KDR: variants seen among roughly 807,000 people sequenced by gnomAD.
KDR encodes kinase insert domain receptor, also known as vascular endothelial growth factor receptor 2.
KDR carries 43 observed loss-of-function variants against 160.9 expected under a neutral mutation model. The observed-to-expected ratio is 0.27, with a 90% CI of 0.21 to 0.34. KDR has a LOEUF of 0.34. KDR is among the 10% of genes least tolerant of loss of function. The pLI is 1.00. For synonymous variants in KDR, 617 were observed against 600.1 expected (o/e 1.03, Z -0.41); for missense variants, 1,469 against 1,666.4 (o/e 0.88, Z 2.06).
rs576176453 is a variant in KDR, at chr4:55,116,791, A to G, written c.359-1380T>C. ...AGGCCAGGGCTCACTTCCTGGCTCC[A>G]TCCATTGCTGAAGAGAATGGGGTCA... On this transcript the variant is annotated intron_variant, in intron 3 of 29. Coordinates refer to ENST00000263923, the MANE Select transcript of KDR (RefSeq NM_002253.4). Among the ~76,000 whole-genome samples the G allele has an allele frequency of 3.3e-5, 5 of 152,334 alleles. No individual in the cohort carries two copies. The East Asian group carries it at 9.6e-4, about 29-fold the overall frequency.
At position 55,079,968 on chromosome 4, in the gene KDR, C is replaced by A; in HGVS notation, c.4044G>T (p.Gly1348=). ...AAACAGGAGGAGAGCTCAGTGTGGTCCCCGAGTCAGGCTGGAGAATCTGGG... is the reference window on the plus strand; with the variant it reads ...AAACAGGAGGAGAGCTCAGTGTGGTACCCGAGTCAGGCTGGAGAATCTGGG... ...STAQILQPDS[G]TTLSSPPV The change falls in exon 30 of 30, where the codon GGG becomes GGT. Residue 1348 remains glycine, a synonymous_variant. Transcript: ENST00000263923. The A allele has an allele frequency of 6.2e-7, 1 of 1,614,108 alleles. No individual in the cohort carries two copies. Among genetic ancestry groups the A allele is most frequent in the South Asian group, 1.1e-5 (1 of 91,080 alleles).
rs982335320 is a variant in KDR at position 55,118,905 on chromosome 4, C to T, written c.162-105G>A. On this transcript the variant is annotated intron_variant, in intron 2 of 29. Coordinates refer to ENST00000263923, the MANE Select transcript of KDR (RefSeq NM_002253.4). Reference sequence around the variant, plus strand: ...TTTGAAACTTAAATAAACTCTTCAACAGACACAGTCAGTCTTCTACCGGCC... The same window carrying T: ...TTTGAAACTTAAATAAACTCTTCAATAGACACAGTCAGTCTTCTACCGGCC... 52 of 882,020 alleles carry T rather than the reference C, an allele frequency of 5.9e-5. No individual in the cohort carries two copies. In the African/African-American group the frequency reaches 8.2e-4, roughly 14 times the overall value. The allele number at this position is 882,020 out of a possible 1,614,324, so 54.6% of individuals were successfully genotyped here. A position where few individuals can be genotyped will look rare whatever the true frequency, so the allele number is the denominator to read the frequency against.
intron 7 of KDR, among the ~76,000 whole-genome samples, chr4:55,111,314 A>G (rs1720577237): frequency 6.6e-6 from 1 of 152,172 alleles, no homozygotes; most frequent in African/African-American, 2.4e-5. Flanking sequence ...AGATAAACAT[A>G]TCTAACACTG....
Position 55,079,976 on chromosome 4 carries a change from C to G in KDR, c.4036G>C (p.Asp1346His). 6.2e-7 allele frequency: 1 copy of G among 1,614,186 alleles called. No homozygotes were observed. ...GGAGAGCTCAGTGTGGTCCCCGAGT[C>G]AGGCTGGAGAATCTGGGCTGTGCTA... ...TGSTAQILQPDSGTTLSSPPV is the reference protein window; with the variant it reads ...TGSTAQILQPHSGTTLSSPPV The change falls in exon 30 of 30, where the codon GAC becomes CAC. Residue 1346 changes from aspartate to histidine, a missense_variant. Around this residue, in one of 7 missense-constraint regions of KDR, gnomAD observed 229 missense variants for 197.8 expected, o/e 1.16. Transcript: ENST00000263923.
At chr4:55,081,693 C>T (rs182402840) in intron 29 of KDR, among the ~76,000 whole-genome samples, 1 of 152,288 alleles carries the variant, frequency 6.6e-6, no homozygotes, top group East Asian at 1.9e-4. Context: ...TTACTGACCA[C>T]AGTAAATATA....
In KDR at chr4:55,094,783, A is replaced by G. The variant is rs1198266889; in HGVS notation, c.2971+19T>C. ...CTGACAAGAGCATGCCATAGCATGC[A>G]GGAAGCACTAGCCAGTACCTTCCTC... On this transcript the variant is annotated intron_variant, in intron 21 of 29. Coordinates refer to ENST00000263923, the MANE Select transcript of KDR (RefSeq NM_002253.4). 6.2e-7 allele frequency: 1 copy of G among 1,611,324 alleles called. No homozygotes were observed. The highest frequency in any genetic ancestry group is 1.3e-5 in the African/African-American group (1 of 74,874).
chr4:55,110,706 G>A lies in KDR; in HGVS notation c.1039C>T (p.Arg347Cys), dbSNP rs750983015. Residue 347 changes from arginine to cysteine, a missense_variant, in exon 8 of 30, where the codon CGT becomes TGT. Physicochemically the swap from Arg to Cys is radical, Grantham distance 180. Coordinates refer to ENST00000263923, the MANE Select transcript of KDR (RefSeq NM_002253.4). ...ESLVEATVGE[R>C]VRIPAKYLGY... The stretch of plus-strand genomic sequence containing the variant: ...AGGTACTTCGCAGGGATTCTGACAC[G>A]CTCCCCCACCGTGGCTTCCACCAGA... 23 of 1,612,664 alleles carry A rather than the reference G, an allele frequency of 1.4e-5. No homozygotes were observed. The highest frequency in any genetic ancestry group is 4.5e-5 in the East Asian group (2 of 44,834).
chr4:55,108,827 T>C (rs761396739), intron 9 of KDR, among the ~76,000 whole-genome samples: 5 of 152,060 alleles, frequency 3.3e-5, no homozygotes, highest in Non-Finnish European at 7.4e-5. Flanking sequence ...TATTTCCTTA[T>C]TACTGTCAAC....
intron 7 of KDR, among the ~76,000 whole-genome samples, chr4:55,112,523 ATTT>A (rs72203928): frequency 0.37 from 43,074 of 116,046 alleles, 6,639 homozygotes; most frequent in Admixed American, 0.44. Flanking sequence ...TTATACCTTG[ATTT>A]TTTTTTTTTT....
Position 55,104,871 on chromosome 4 carries a change from C to T in KDR, c.1759G>A (p.Gly587Ser). 6.2e-7 allele frequency: 1 copy of T among 1,613,988 alleles called. No individual in the cohort carries two copies. Among genetic ancestry groups the T allele is most frequent in the South Asian group, 1.1e-5 (1 of 91,084 alleles). ...TFENLTWYKL[G>S]PQPLPIHVGE... The stretch of plus-strand genomic sequence containing the variant: ...ACATGGATTGGCAGAGGCTGTGGGC[C>T]AAGCTTGTACCATGTGAGGTTCTCA... Residue 587 changes from glycine (G) to serine (S), a missense_variant, in exon 13 of 30, where the codon GGC (glycine) becomes AGC (serine). Physicochemically the swap from Gly to Ser is moderately conservative, Grantham distance 56. Around this residue, in one of 7 missense-constraint regions of KDR, gnomAD observed 792 missense variants for 840.9 expected, o/e 0.94. Coordinates refer to ENST00000263923, the MANE Select transcript of KDR (RefSeq NM_002253.4).
intron 21 of KDR, among the ~76,000 whole-genome samples, chr4:55,093,396 A>G (rs1311668123): frequency 2.0e-5 from 3 of 152,354 alleles, no homozygotes; most frequent in African/African-American, 4.8e-5. Flanking sequence ...CTTTGGTCAG[A>G]TAAGACTTAT....
In KDR at chr4:55,115,333, A is replaced by G. The variant is rs780322928; in HGVS notation, c.437T>C (p.Val146Ala). 1.2e-6 allele frequency: 2 copies of G among 1,606,096 alleles called. No individual in the cohort carries two copies. Among genetic ancestry groups the G allele is most frequent in the Non-Finnish European group, 1.7e-6 (2 of 1,172,778 alleles). ...AATGGACCCGAGACATGGAATCACC[A>G]CAGTTTTGTTTTTGTTCTCAGTAAT... ...VYITENKNKT[V>A]VIPCLGSISN... is the part of the protein sequence containing the mutation. Residue 146 changes from valine to alanine, a missense_variant, in exon 4 of 30, where the codon GTG becomes GCG. Val to Ala is a moderately conservative substitution (Grantham distance 64). Around this residue, in one of 7 missense-constraint regions of KDR, gnomAD observed 792 missense variants for 840.9 expected, o/e 0.94. Coordinates refer to ENST00000263923, the MANE Select transcript of KDR (RefSeq NM_002253.4).
chr4:55,122,343 T>G (rs1283560178), intron 1 of KDR, among the ~76,000 whole-genome samples: 1 of 152,150 alleles, frequency 6.6e-6, no homozygotes, highest in Non-Finnish European at 1.5e-5. Flanking sequence ...AAATACCAGC[T>G]TTAAAAAAGT....
chr4:55,124,678 C>T (rs1720984729), intron 1 of KDR, among the ~76,000 whole-genome samples: 1 of 116,364 alleles, frequency 8.6e-6, no homozygotes. Flanking sequence ...AAAAGTTTCT[C>T]TCCGCTCCAG....
Position 55,113,328 on chromosome 4 carries a change from T to C in KDR, c.952A>G (p.Asn318Asp). Residue 318 changes from asparagine to aspartate, a missense_variant, in exon 7 of 30, where the codon AAC becomes GAC. Physicochemically the swap from Asn to Asp is conservative, Grantham distance 23. This residue lies in a region of KDR where 792 missense variants were observed against 840.9 expected (regional missense o/e 0.94). Coordinates refer to ENST00000263923, the MANE Select transcript of KDR (RefSeq NM_002253.4). The part of the protein sequence containing the change: ...AASSGLMTKK[N>D]STFVRVHEKP... The stretch of plus-strand genomic sequence containing the variant: ...CCATGGACCCTGACAAATGTGCTGT[T>C]CTTCTTGGTCATCAGCCCACTGGAT... 6.2e-7 allele frequency: 1 copy of C among 1,614,136 alleles called. No homozygotes were observed. The highest frequency in any genetic ancestry group is 8.5e-7 in the Non-Finnish European group (1 of 1,179,982).
chr4:55,123,124 A>T lies in KDR; in HGVS notation c.68-1934T>A, dbSNP rs183220930. 1.4e-3 allele frequency among the ~76,000 whole-genome samples: 216 copies of T among 152,332 alleles called. 1 individual carries two copies. Among genetic ancestry groups the T allele is most frequent in the Middle Eastern group, 3.4e-3 (1 of 294 alleles). On this transcript the variant is annotated intron_variant, in intron 1 of 29. Coordinates refer to ENST00000263923, the MANE Select transcript of KDR (RefSeq NM_002253.4). ...TAACTGCCCCCAAAACAGGCAAACA[A>T]AAAACCAAAATGTTTAAAAGCAAAA...
In KDR at chr4:55,105,861, C is replaced by T. The variant is rs1487493814; in HGVS notation, c.1616G>A (p.Gly539Glu). Residue 539 changes from glycine (G) to glutamate (E), a missense_variant, in exon 12 of 30, where the codon GGA becomes GAA. Around this residue, in one of 7 missense-constraint regions of KDR, gnomAD observed 792 missense variants for 840.9 expected, o/e 0.94. Coordinates refer to ENST00000263923, the MANE Select transcript of KDR (RefSeq NM_002253.4). Reference sequence around the variant, plus strand: ...CACGTGGAAGGAGATCACCCTCTCTCCTCTCCCGACTTTGTTGACCGCTTC... The same window carrying T: ...CACGTGGAAGGAGATCACCCTCTCTTCTCTCCCGACTTTGTTGACCGCTTC... ...KCEAVNKVGR[G>E]ERVISFHVTR... The T allele has an allele frequency of 4.3e-6, 7 of 1,612,756 alleles. No homozygotes were observed. The highest frequency in any genetic ancestry group is 5.1e-6 in the Non-Finnish European group (6 of 1,178,932).
intron 21 of KDR, among the ~76,000 whole-genome samples, chr4:55,093,937 C>T (rs1296879554): frequency 3.9e-5 from 6 of 152,258 alleles, no homozygotes; most frequent in South Asian, 4.1e-4. Context: ...CGGAGGCTTA[C>T]GCCTATAATC....
intron 13 of KDR, among the ~76,000 whole-genome samples, chr4:55,103,975 A>G (rs926050761): frequency 3.3e-5 from 5 of 152,162 alleles, no homozygotes; most frequent in African/African-American, 4.8e-5. Flanking sequence ...GGAGGAATTT[A>G]CAGAGCTATC....
Sources: gnomAD v4.1 joint callset for allele counts (sites outside exome capture counted in the v4.1 genomes callset) on GRCh38, gnomAD v4.1.1 for gene constraint, gnomAD v4.1.1 regional missense constraint, MANE v1.5 for transcripts, NCBI Gene and HGNC (gene_info 2026-07-23, HGNC 2026-07-21) for gene names.